The following LDLRAD3 variants were observed in gnomAD, a reference collection of about 807,000 sequenced individuals.
LDLRAD3 encodes low-density lipoprotein receptor class A domain-containing protein 3.
A neutral mutation model predicts 29.4 loss-of-function variants in LDLRAD3; 20 were observed. That is an observed-to-expected ratio of 0.68 (90% CI 0.48 to 0.99). The LOEUF is 0.99. LDLRAD3 is among the 50% of genes least tolerant of loss of function. LDLRAD3 has a pLI of 0.00. For synonymous variants in LDLRAD3, 157 were observed against 192.7 expected (o/e 0.81, Z 1.53); for missense variants, 420 against 454.3 (o/e 0.92, Z 0.69).
chr11:36,006,233 C>T (rs941657710), intron 1 of LDLRAD3, among the ~76,000 whole-genome samples: 4 of 152,200 alleles, frequency 2.6e-5, no homozygotes, highest in African/African-American at 7.2e-5. Context: ...CCATAGTTAC[C>T]AGAGTTACAA....
intron 1 of LDLRAD3, among the ~76,000 whole-genome samples, chr11:35,988,679 G>C (rs1227923479): frequency 6.6e-6 from 1 of 152,018 alleles, no homozygotes; most frequent in Non-Finnish European, 1.5e-5. Flanking sequence ...CACTTCCTGG[G>C]TTCAAGCGAT....
chr11:36,135,180 A>G (rs1229238201), intron 4 of LDLRAD3, among the ~76,000 whole-genome samples: 1 of 152,168 alleles, frequency 6.6e-6, no homozygotes, highest in Admixed American at 6.5e-5. Context: ...ATTTAAACAC[A>G]CGGTTTAATA....
intron 1 of LDLRAD3, chr11:35,968,296 G>A (rs1346849731): frequency 5.3e-6 from 2 of 376,390 alleles, no homozygotes; most frequent in East Asian, 1.4e-4. Context: ...GTGGATGTGA[G>A]CATCAAATGC....
At chr11:35,949,516 C>G (rs765191948) in intron 1 of LDLRAD3, among the ~76,000 whole-genome samples, 11 of 152,196 alleles carry the variant, frequency 7.2e-5, no homozygotes, top group Admixed American at 2.6e-4. Flanking sequence ...CCCTTGCCAT[C>G]AAAAGGCCTT....
chr11:36,106,720 G>A (rs1490356452), intron 4 of LDLRAD3, among the ~76,000 whole-genome samples: 1 of 152,206 alleles, frequency 6.6e-6, no homozygotes, highest in Non-Finnish European at 1.5e-5. Context: ...GGAGTTTGGT[G>A]TCCCTTCACA....
intron 4 of LDLRAD3, among the ~76,000 whole-genome samples, chr11:36,218,695 G>T (rs1855386260): frequency 6.6e-6 from 1 of 152,200 alleles, no homozygotes; most frequent in African/African-American, 2.4e-5. Context: ...TAAACATCCA[G>T]CATCTAGGAA....
chr11:36,193,647 C>T (rs1202053144), intron 4 of LDLRAD3, among the ~76,000 whole-genome samples: 1 of 152,188 alleles, frequency 6.6e-6, no homozygotes, highest in Admixed American at 6.5e-5. Flanking sequence ...AAGAGCACCA[C>T]TTAGTTTTAA....
intron 4 of LDLRAD3, among the ~76,000 whole-genome samples, chr11:36,138,719 A>G (rs538917699): frequency 6.6e-6 from 1 of 152,370 alleles, no homozygotes; most frequent in East Asian, 1.9e-4. Flanking sequence ...AGAAGATGGC[A>G]GTTGTCAGAA....
intron 4 of LDLRAD3, among the ~76,000 whole-genome samples, chr11:36,153,428 G>T (rs1259427089): frequency 6.6e-6 from 1 of 152,126 alleles, no homozygotes; most frequent in African/African-American, 2.4e-5. Context: ...CTGTGGGAGA[G>T]AACTTTTAAT....
Position 35,957,723 on chromosome 11 carries a change from G to A in LDLRAD3, c.46+13579G>A, listed in dbSNP as rs571634719. 1.1e-4 allele frequency among the ~76,000 whole-genome samples: 17 copies of A among 148,330 alleles called. 1 individual carries two copies. In the South Asian group the frequency reaches 3.6e-3, roughly 32 times the overall value. ...AGACAGAAGAATCGCTTGAACCCAG[G>A]AGACGGAGGTTGCATGGAGCTGAGA... On this transcript the variant is annotated intron_variant, in intron 1 of 5. Coordinates refer to ENST00000315571, the MANE Select transcript of LDLRAD3 (RefSeq NM_174902.4).
chr11:36,214,685 C>T (rs75781749), intron 4 of LDLRAD3, among the ~76,000 whole-genome samples: 3,523 of 152,200 alleles, frequency 0.023, 153 homozygotes, highest in African/African-American at 0.078. Context: ...GACCTGGGCT[C>T]GTGTCTCAGC....
At chr11:36,200,803 G>T (rs1008436569) in intron 4 of LDLRAD3, among the ~76,000 whole-genome samples, 3 of 152,200 alleles carry the variant, frequency 2.0e-5, no homozygotes, top group Non-Finnish European at 4.4e-5. Flanking sequence ...AGCCAGTCAA[G>T]AAATAATGAT....
At chr11:36,123,069 C>G (rs559747150) in intron 4 of LDLRAD3, among the ~76,000 whole-genome samples, 1 of 151,956 alleles carries the variant, frequency 6.6e-6, no homozygotes, top group Admixed American at 6.6e-5. Flanking sequence ...TGCCTGTAGT[C>G]CCGACTGCTT....
intron 4 of LDLRAD3, among the ~76,000 whole-genome samples, chr11:36,218,717 A>C (rs555148363): frequency 1.3e-5 from 2 of 152,356 alleles, no homozygotes; most frequent in East Asian, 3.9e-4. Context: ...TCATCCAAAG[A>C]AATAATTGCA....
intron 4 of LDLRAD3, among the ~76,000 whole-genome samples, chr11:36,103,753 T>G (rs926525174): frequency 1.3e-5 from 2 of 152,218 alleles, no homozygotes; most frequent in African/African-American, 4.8e-5. Context: ...GTAGGCCGTT[T>G]GAAGTTTGCA....
At chr11:36,227,954 C>G (rs1488570205) in intron 5 of LDLRAD3, among the ~76,000 whole-genome samples, 3 of 152,186 alleles carry the variant, frequency 2.0e-5, no homozygotes, top group Non-Finnish European at 4.4e-5. Flanking sequence ...CTTAACTTTG[C>G]TTGGCTTCAT....
chr11:35,966,443 A>T (rs1005947768), intron 1 of LDLRAD3, among the ~76,000 whole-genome samples: 33 of 152,278 alleles, frequency 2.2e-4, no homozygotes, highest in African/African-American at 7.9e-4. Context: ...AAAAGCAAAA[A>T]TGCAGTATTC....
At chr11:36,080,419 G>A (rs904083439) in intron 2 of LDLRAD3, among the ~76,000 whole-genome samples, 7 of 152,220 alleles carry the variant, frequency 4.6e-5, no homozygotes, top group African/African-American at 1.4e-4. Flanking sequence ...TGGAGCAGGA[G>A]TCTGCCTTCT....
intron 4 of LDLRAD3, among the ~76,000 whole-genome samples, chr11:36,100,524 CTGCCTCCCG>C (rs1364429419): frequency 4.6e-5 from 7 of 152,232 alleles, no homozygotes; most frequent in Non-Finnish European, 7.3e-5. Context: ...AGTGCAACCT[CTGCCTCCCG>C]GGTTCAAGCG....
Sources: allele counts gnomAD v4.1 joint callset (sites outside exome capture counted in the v4.1 genomes callset), GRCh38; gene constraint gnomAD v4.1.1; transcripts MANE v1.5; gene names NCBI Gene and HGNC (gene_info 2026-07-23, HGNC 2026-07-21).